Variants in FARP2 observed in about 807,000 individuals in gnomAD.
The protein encoded by FARP2 is FERM, ARH/RhoGEF and pleckstrin domain protein 2, also known as FERM, ARHGEF and pleckstrin domain-containing protein 2.
Under a neutral mutation model 130.5 loss-of-function variants are expected in FARP2, and 111 were observed. That is an observed-to-expected ratio of 0.85 (90% CI 0.73 to 1.00). The LOEUF (loss-of-function observed/expected upper bound fraction) is 1.00, where lower values mean the gene tolerates loss of function less well. FARP2 is among the 50% of genes least tolerant of loss of function. The pLI is 0.00. For missense variants in FARP2, 1,385 were observed against 1,346.3 expected (o/e 1.03, Z -0.45); for synonymous variants, 504 against 516.9 (o/e 0.98, Z 0.34).
At chr2:241,378,431 A>ATTTTTTTTTTTTTT (rs2061590047) in intron 2 of FARP2, among the ~76,000 whole-genome samples, 1 of 11,408 alleles carries the variant, frequency 8.8e-5, no homozygotes, top group African/African-American at 2.8e-4. Context: ...TTTTTTTTTG[A>ATTTTTTTTTTTTTT]GTCAGGATCT....
intron 7 of FARP2, among the ~76,000 whole-genome samples, chr2:241,416,703 A>G (rs920096474): frequency 1.3e-5 from 2 of 151,840 alleles, no homozygotes; most frequent in Non-Finnish European, 2.9e-5. Flanking sequence ...AACAAGTTTG[A>G]GTCCAGGAGT....
At chr2:241,400,634 A>G (rs1046841114) in intron 2 of FARP2, among the ~76,000 whole-genome samples, 1 of 152,196 alleles carries the variant, frequency 6.6e-6, no homozygotes, top group East Asian at 1.9e-4. Context: ...TCTCTAAGGG[A>G]ATAGCCTGGG....
At chr2:241,456,950 C>A in intron 14 of FARP2, 28 bp downstream of exon 14, 1 of 1,544,618 alleles carries the variant, frequency 6.5e-7, no homozygotes, top group Non-Finnish European at 8.7e-7. Context: ...GAGAAGCTAG[C>A]AGAGGGTTGC....
intron 3 of FARP2, 76 bp downstream of exon 3, chr2:241,404,008 G>A: frequency 1.3e-6 from 1 of 763,512 alleles, no homozygotes; most frequent in South Asian, 1.5e-5. Flanking sequence ...TTTCATCATT[G>A]CCACATCATC....
chr2:241,436,295 C>G (rs2063228886), intron 11 of FARP2, among the ~76,000 whole-genome samples, 186 bp from the exon 12 acceptor site: 1 of 152,154 alleles, frequency 6.6e-6, no homozygotes, highest in African/African-American at 2.4e-5. Flanking sequence ...TCTTACCTCT[C>G]TTGGGACCTC....
At chr2:241,484,441 C>G in intron 21 of FARP2, 110 bp downstream of exon 21, 1 of 849,514 alleles carries the variant, frequency 1.2e-6, no homozygotes, top group Non-Finnish European at 1.9e-6. Context: ...AGAGCAGCAC[C>G]TGCTGAGTAT....
At chr2:241,492,800 C>T (rs2064975224) in intron 24 of FARP2, 129 bp from the exon 25 acceptor site, 3 of 624,976 alleles carry the variant, frequency 4.8e-6, no homozygotes, top group South Asian at 3.8e-5. Context: ...CTGTTCATAG[C>T]AGTCCAGAGG....
chr2:241,468,414 C>T (rs745793946), intron 18 of FARP2, 37 bp downstream of exon 18: 2 of 1,529,996 alleles, frequency 1.3e-6, no homozygotes, highest in South Asian at 1.1e-5. Flanking sequence ...CAAGGATCAG[C>T]GTGCGTGGCT....
At chr2:241,378,414 C>CTCTTTTTTTT (rs1249648296) in intron 2 of FARP2, among the ~76,000 whole-genome samples, 2 of 32,476 alleles carry the variant, frequency 6.2e-5, no homozygotes, top group Non-Finnish European at 1.4e-4. Context: ...CATGCCTGGC[C>CTCTTTTTTTT]TATTTTTTTT....
At chr2:241,455,613 G>A (rs368901754) in intron 13 of FARP2, among the ~76,000 whole-genome samples, 55 of 151,308 alleles carry the variant, frequency 3.6e-4, no homozygotes, top group East Asian at 2.9e-3. Context: ...AACTCCTGAC[G>A]TCAGGTGGTC....
At chr2:241,448,576 C>G (rs1348644393) in intron 13 of FARP2, among the ~76,000 whole-genome samples, 2 of 152,188 alleles carry the variant, frequency 1.3e-5, no homozygotes, top group African/African-American at 2.4e-5. Context: ...AACATAGAGG[C>G]TGTGGAGCAC....
chr2:241,470,647 G>T (rs1243895318), intron 18 of FARP2, among the ~76,000 whole-genome samples: 2 of 150,782 alleles, frequency 1.3e-5, no homozygotes, highest in Non-Finnish European at 3.0e-5. Flanking sequence ...GTTCTGAGGG[G>T]ACTCAGTTAT....
intron 14 of FARP2, 47 bp from the exon 15 acceptor site, chr2:241,462,476 G>T: frequency 2.2e-6 from 3 of 1,371,184 alleles, no homozygotes; most frequent in Non-Finnish European, 3.1e-6. Context: ...GCGTGGGAGG[G>T]TCCCATGTCC....
chr2:241,438,832 G>A (rs1413513256), intron 12 of FARP2, among the ~76,000 whole-genome samples: 2 of 151,626 alleles, frequency 1.3e-5, no homozygotes, highest in East Asian at 1.9e-4. Context: ...GGGTTTCACT[G>A]TGTTAGCCAG....
chr2:241,398,557 G>C (rs1426247502), intron 2 of FARP2, among the ~76,000 whole-genome samples: 1 of 151,372 alleles, frequency 6.6e-6, no homozygotes, highest in African/African-American at 2.4e-5. Context: ...TATGAGTAAA[G>C]CTTCTGTGAA....
chr2:241,385,433 A>G (rs192547417), intron 2 of FARP2, among the ~76,000 whole-genome samples: 10 of 152,332 alleles, frequency 6.6e-5, no homozygotes, highest in Admixed American at 2.6e-4. Context: ...GTCAATATAA[A>G]TGAGTAGGAT....
chr2:241,404,670 G>C lies in FARP2; in HGVS notation c.289-129G>C, dbSNP rs3771560. 527 of 638,598 alleles carry C rather than the reference G, an allele frequency of 8.3e-4. 5 individuals carry two copies. The East Asian group carries it at 0.014, about 17-fold the overall frequency. The allele number at this position is 638,598 out of a possible 1,614,324, so 39.6% of individuals were successfully genotyped here. ...TTTATCAGGATTCAACCTTTAAGAG[G>C]GGGGGTAGAGTCAAAATTTTCCTGA... On this transcript the variant is annotated intron_variant, in intron 3 of 26. Coordinates refer to ENST00000264042, the MANE Select transcript of FARP2 (RefSeq NM_014808.4).
At chr2:241,371,040 G>A (rs74000643) in intron 1 of FARP2, among the ~76,000 whole-genome samples, 3,273 of 152,192 alleles carry the variant, frequency 0.022, 111 homozygotes, top group African/African-American at 0.068. Flanking sequence ...TGCTTCTCCC[G>A]GAGGATTTAG....
rs900013276 is a variant in FARP2 at position 241,429,539 on chromosome 2, G to T, written c.772-2140G>T. Among the ~76,000 whole-genome samples, 7 of 152,258 alleles carry T rather than the reference G, an allele frequency of 4.6e-5. No individual in the cohort carries two copies. In the East Asian group the frequency reaches 1.4e-3, roughly 29 times the overall value. Reference sequence around the variant, plus strand: ...ATAGGGTCCATCTGTCCCATTGGTGGTGGTGGTGGTAACATTGATCACTTG... The same window carrying T: ...ATAGGGTCCATCTGTCCCATTGGTGTTGGTGGTGGTAACATTGATCACTTG... On this transcript the variant is annotated intron_variant, in intron 8 of 26. Coordinates refer to ENST00000264042, the MANE Select transcript of FARP2 (RefSeq NM_014808.4).
Sources: gnomAD v4.1 joint callset for allele counts (sites outside exome capture counted in the v4.1 genomes callset) on GRCh38, gnomAD v4.1.1 for gene constraint, MANE v1.5 for transcripts, NCBI Gene and HGNC (gene_info 2026-07-23, HGNC 2026-07-21) for gene names.